MLLT10: variants seen among roughly 807,000 people sequenced by gnomAD.
MLLT10 encodes the protein MLLT10 histone lysine methyltransferase DOT1L cofactor, also known as protein AF-10.
In MLLT10, 30 loss-of-function variants were observed where a neutral mutation model predicts 129.1. The ratio of observed to expected loss-of-function variants is 0.23; its 90% CI spans 0.17 to 0.32. The LOEUF (loss-of-function observed/expected upper bound fraction) is 0.32, where lower values mean the gene tolerates loss of function less well. MLLT10 is among the 10% of genes least tolerant of loss of function. The pLI is 1.00. For missense variants in MLLT10, 1,119 were observed against 1,268.3 expected, an observed-to-expected ratio of 0.88 and a Z score of 1.79; for synonymous variants, 490 against 446.4, an observed-to-expected ratio of 1.10 and a Z score of -1.23.
At position 21,578,044 on chromosome 10, in the gene MLLT10, C is replaced by T. The variant is rs187039844; in HGVS notation, c.241-8250C>T. On this transcript the variant is annotated intron_variant, in intron 3 of 22. Transcript: ENST00000307729. Reference sequence around the variant, plus strand: ...CTGAGTACCTGGGATTACAGGTGCCCGCCATCACGCTTGGCTAATTTTGTA... The same window carrying T: ...CTGAGTACCTGGGATTACAGGTGCCTGCCATCACGCTTGGCTAATTTTGTA... Among the ~76,000 whole-genome samples the T allele has an allele frequency of 3.8e-3, 579 of 151,926 alleles. 5 individuals carry two copies. The highest frequency in any genetic ancestry group is 0.013 in the African/African-American group (545 of 41,398).
At chr10:21,587,190 A>G (rs368375328) in intron 4 of MLLT10, among the ~76,000 whole-genome samples, 1 of 152,114 alleles carries the variant, frequency 6.6e-6, no homozygotes, top group East Asian at 1.9e-4. Flanking sequence ...ACTGGAGCAT[A>G]GGAGTCTGAG....
chr10:21,654,488 G>A (rs1042660018), intron 9 of MLLT10, among the ~76,000 whole-genome samples: 4 of 152,142 alleles, frequency 2.6e-5, no homozygotes, highest in African/African-American at 9.7e-5. Flanking sequence ...GCTTTTAGTT[G>A]TGACGATTTG....
chr10:21,583,753 C>CA (rs2041702839), intron 3 of MLLT10, among the ~76,000 whole-genome samples: 1 of 152,220 alleles, frequency 6.6e-6, no homozygotes, highest in African/African-American at 2.4e-5. Flanking sequence ...CCAAGACATT[C>CA]ATGAGGGATC....
At chr10:21,655,374 C>T (rs1175852087) in intron 9 of MLLT10, among the ~76,000 whole-genome samples, 1 of 152,164 alleles carries the variant, frequency 6.6e-6, no homozygotes, top group Non-Finnish European at 1.5e-5. Flanking sequence ...CTTTTTAATA[C>T]TCAGACCTTT....
intron 3 of MLLT10, among the ~76,000 whole-genome samples, chr10:21,579,083 G>C (rs1189345892): frequency 1.3e-5 from 2 of 152,160 alleles, no homozygotes; most frequent in Non-Finnish European, 2.9e-5. Context: ...TTATCTGAAA[G>C]TACCTATTTC....
rs2038100195 is a variant in MLLT10 at position 21,556,933 on chromosome 10, G to A, written c.240+18021G>A. 3.2e-6 allele frequency: 5 copies of A among 1,549,118 alleles called. No homozygotes were observed. In the South Asian group the frequency reaches 6.0e-5, roughly 18 times the overall value. ...TTGTCATTTGGCGTTTCAAGAAGGA[G>A]AGGTGGTAGTGTTTAAGTGGAATTA... is the stretch of plus-strand genomic sequence containing the variant. On this transcript the variant is annotated intron_variant, in intron 3 of 22. Coordinates refer to ENST00000307729, the MANE Select transcript of MLLT10 (RefSeq NM_001195626.3).
Position 21,721,637 on chromosome 10 carries a change from A to AAT in MLLT10, c.1879-4604_1879-4603dup, listed in dbSNP as rs2057143162. 7.2e-5 allele frequency among the ~76,000 whole-genome samples: 11 copies of AAT among 152,292 alleles called. No individual in the cohort carries two copies. In the South Asian group the frequency reaches 2.3e-3, roughly 32 times the overall value. On this transcript the variant is annotated intron_variant, in intron 14 of 22. Coordinates refer to ENST00000307729, the MANE Select transcript of MLLT10 (RefSeq NM_001195626.3). ...AAATATATTTTTATCTTAATATTTT[A>AAT]ATATGGTATGCCAGTCTACTTAGGA... is the stretch of plus-strand genomic sequence containing the variant.
intron 5 of MLLT10, among the ~76,000 whole-genome samples, chr10:21,610,760 A>G (rs2044527101): frequency 6.6e-6 from 1 of 151,726 alleles, no homozygotes; most frequent in Non-Finnish European, 1.5e-5. Context: ...AAATTTTGCC[A>G]TATAGAGTGT....
intron 5 of MLLT10, among the ~76,000 whole-genome samples, chr10:21,601,101 G>A (rs1363658026): frequency 6.6e-6 from 1 of 151,996 alleles, no homozygotes; most frequent in African/African-American, 2.4e-5. Context: ...GCACCATCAT[G>A]TCTGGCTACT....
intron 4 of MLLT10, among the ~76,000 whole-genome samples, chr10:21,587,799 CAG>C (rs904957898): frequency 2.0e-5 from 3 of 152,170 alleles, no homozygotes; most frequent in African/African-American, 7.2e-5. Flanking sequence ...GTTATACAGT[CAG>C]ATTGTACAGA....
At chr10:21,625,150 G>A (rs1018532194) in intron 8 of MLLT10, 37 of 1,154,114 alleles carry the variant, frequency 3.2e-5, no homozygotes, top group Non-Finnish European at 2.0e-5. Flanking sequence ...GGCATGCGAG[G>A]AGGAGGGTGT....
chr10:21,737,379 C>T (rs958040275), intron 21 of MLLT10, among the ~76,000 whole-genome samples: 4 of 152,076 alleles, frequency 2.6e-5, no homozygotes, highest in Non-Finnish European at 5.9e-5. Context: ...GGTGGGCACA[C>T]GGGGCAGTTT....
intron 5 of MLLT10, among the ~76,000 whole-genome samples, chr10:21,605,395 A>G (rs184762860): frequency 7.4e-4 from 112 of 152,264 alleles, no homozygotes; most frequent in African/African-American, 2.4e-3. Context: ...TACCATCTAT[A>G]GATACTTTCT....
intron 13 of MLLT10, among the ~76,000 whole-genome samples, chr10:21,686,222 C>T (rs2053277448): frequency 6.6e-6 from 1 of 152,130 alleles, no homozygotes; most frequent in Non-Finnish European, 1.5e-5. Flanking sequence ...ATACAAGGCA[C>T]TTTCTTTTAT....
intron 8 of MLLT10, among the ~76,000 whole-genome samples, chr10:21,623,845 G>C (rs1485514681): frequency 6.6e-6 from 1 of 152,176 alleles, no homozygotes; most frequent in Non-Finnish European, 1.5e-5. Context: ...TAAATGACTT[G>C]TTCGAAGGTC....
intron 3 of MLLT10, among the ~76,000 whole-genome samples, chr10:21,558,888 A>G (rs2038426386): frequency 6.6e-6 from 1 of 152,146 alleles, no homozygotes; most frequent in Non-Finnish European, 1.5e-5. Flanking sequence ...TCATATTAAT[A>G]ATAACTCTGG....
At chr10:21,669,844 A>G (rs547646919) in intron 9 of MLLT10, among the ~76,000 whole-genome samples, 18 of 152,348 alleles carry the variant, frequency 1.2e-4, no homozygotes, top group African/African-American at 4.1e-4. Flanking sequence ...AGGGATAGTT[A>G]TAAAATCTTA....
At chr10:21,655,729 C>T (rs1252607261) in intron 9 of MLLT10, among the ~76,000 whole-genome samples, 2 of 152,054 alleles carry the variant, frequency 1.3e-5, no homozygotes, top group Non-Finnish European at 2.9e-5. Flanking sequence ...AATGAGGAAA[C>T]CTACCTCATC....
At chr10:21,631,770 T>G (rs2047034298) in intron 8 of MLLT10, among the ~76,000 whole-genome samples, 2 of 152,032 alleles carry the variant, frequency 1.3e-5, no homozygotes, top group African/African-American at 4.8e-5. Flanking sequence ...GCCCCCATGA[T>G]TCAGTCACCC....
Sources: gnomAD v4.1 joint callset for allele counts (sites outside exome capture counted in the v4.1 genomes callset) on GRCh38, gnomAD v4.1.1 for gene constraint, MANE v1.5 for transcripts, NCBI Gene and HGNC (gene_info 2026-07-23, HGNC 2026-07-21) for gene names.